CFAP54: variants seen among roughly 807,000 people sequenced by gnomAD.
CFAP54 encodes the protein cilia- and flagella-associated protein 54.
In CFAP54, 290 loss-of-function variants were observed where a neutral mutation model predicts 370.4. That is an observed-to-expected ratio of 0.78 (90% CI 0.71 to 0.86). CFAP54 has a LOEUF of 0.86. Among genes scored for constraint, CFAP54 ranks in the 40% least tolerant of loss-of-function variants. CFAP54 has a pLI of 0.00. For missense variants in CFAP54, 3,399 were observed against 3,528.7 expected (o/e 0.96, Z 0.93); for synonymous variants, 1,206 against 1,236.5 (o/e 0.98, Z 0.52).
At chr12:96,622,927 ATGAGGGTTTTGTT>A (rs1232805639) in intron 27 of CFAP54, among the ~76,000 whole-genome samples, 4 of 151,924 alleles carry the variant, frequency 2.6e-5, no homozygotes, top group Non-Finnish European at 4.4e-5. Flanking sequence ...TGGAAGCAAT[ATGAGGGTTTTGTT>A]TGTTTGTTTG....
At chr12:96,505,150 G>A (rs1955084432) in intron 3 of CFAP54, among the ~76,000 whole-genome samples, 1 of 150,410 alleles carries the variant, frequency 6.6e-6, no homozygotes, top group Non-Finnish European at 1.5e-5. Flanking sequence ...TGCAACCTCT[G>A]CCTCCTAGGT....
intron 14 of CFAP54, 61 bp from the exon 15 acceptor site, chr12:96,547,841 C>A: frequency 1.3e-6 from 1 of 799,228 alleles, no homozygotes; most frequent in South Asian, 2.1e-5. Flanking sequence ...CCTTTTTTTT[C>A]ATCTCCTCTT....
intron 19 of CFAP54, among the ~76,000 whole-genome samples, chr12:96,572,161 G>A (rs1955926229): frequency 6.6e-6 from 1 of 152,188 alleles, no homozygotes; most frequent in Non-Finnish European, 1.5e-5. Context: ...AACTTAAAGA[G>A]ATAAACAAAG....
At chr12:96,504,107 A>C (rs1196192009) in intron 3 of CFAP54, 78 bp downstream of exon 3, 1 of 1,336,070 alleles carries the variant, frequency 7.5e-7, no homozygotes, top group Non-Finnish European at 9.8e-7. Context: ...CAGCTTCTAA[A>C]TGTCTTGTTG....
At chr12:96,736,505 C>A (rs2136634754) in intron 50 of CFAP54, among the ~76,000 whole-genome samples, 1 of 152,200 alleles carries the variant, frequency 6.6e-6, no homozygotes, top group African/African-American at 2.4e-5. Context: ...AGGGGGTAGG[C>A]AGAGGATGGA....
At chr12:96,733,913 G>A (rs925110156) in intron 50 of CFAP54, among the ~76,000 whole-genome samples, 1 of 152,138 alleles carries the variant, frequency 6.6e-6, no homozygotes, top group African/African-American at 2.4e-5. Context: ...TCTTTTTCCA[G>A]GGTTTTCTAT....
intron 33 of CFAP54, chr12:96,646,044 G>A (rs1956786309): frequency 6.6e-6 from 1 of 152,092 alleles, no homozygotes; most frequent in Non-Finnish European, 1.5e-5. Context: ...GCATGGGCAA[G>A]GACTTCATGT....
chr12:96,526,420 G>T (rs1435114631), intron 8 of CFAP54, among the ~76,000 whole-genome samples: 3 of 152,166 alleles, frequency 2.0e-5, no homozygotes, highest in Non-Finnish European at 2.9e-5. Flanking sequence ...CACAAACCTT[G>T]TTATTTATAC....
chr12:96,721,545 G>A (rs1452442132), intron 50 of CFAP54, among the ~76,000 whole-genome samples: 1 of 152,060 alleles, frequency 6.6e-6, no homozygotes, highest in Non-Finnish European at 1.5e-5. Flanking sequence ...TAATAATATG[G>A]ACATCCACAT....
intron 50 of CFAP54, among the ~76,000 whole-genome samples, chr12:96,737,422 GGCCAATGTTA>G (rs1957992026): frequency 6.6e-6 from 1 of 150,518 alleles, no homozygotes; most frequent in Non-Finnish European, 1.5e-5. Context: ...GAATTTCTGT[GGCCAATGTTA>G]GCACAATATT....
At chr12:96,726,132 A>G (rs1957831779) in intron 50 of CFAP54, among the ~76,000 whole-genome samples, 1 of 150,520 alleles carries the variant, frequency 6.6e-6, no homozygotes, top group South Asian at 2.1e-4. Flanking sequence ...TTGGTCTAAA[A>G]TTCTCTTTTT....
At position 96,489,581 on chromosome 12, in the gene CFAP54, A is replaced by G; in HGVS notation, c.-29A>G. On this transcript the variant is annotated 5_prime_UTR_variant, in exon 1 of 68. Coordinates refer to ENST00000524981, the MANE Select transcript of CFAP54 (RefSeq NM_001306084.2). Reference sequence around the variant, plus strand: ...CGTCGCCAGGCAACCGCGTGTACACATACTCCAGGCGGGCCGGGGCGCGTC... The same window carrying G: ...CGTCGCCAGGCAACCGCGTGTACACGTACTCCAGGCGGGCCGGGGCGCGTC... 6.7e-7 allele frequency: 1 copy of G among 1,488,748 alleles called. No individual in the cohort carries two copies. Among genetic ancestry groups the G allele is most frequent in the Non-Finnish European group, 8.9e-7 (1 of 1,119,816 alleles). The allele number at this position is 1,488,748 out of a possible 1,614,324, so 92.2% of individuals were successfully genotyped here.
chr12:96,726,552 T>C (rs1490975763), intron 50 of CFAP54, among the ~76,000 whole-genome samples: 1 of 152,018 alleles, frequency 6.6e-6, no homozygotes, highest in African/African-American at 2.4e-5. Context: ...TGTGTCTATC[T>C]GATTCTTCTC....
intron 66 of CFAP54, among the ~76,000 whole-genome samples, chr12:96,847,027 C>T (rs1276468139): frequency 1.3e-5 from 2 of 152,100 alleles, no homozygotes; most frequent in Non-Finnish European, 2.9e-5. Flanking sequence ...AATGGGGTTC[C>T]CAGAATGCCC....
chr12:96,500,070 C>T (rs538579396), intron 1 of CFAP54, among the ~76,000 whole-genome samples: 12 of 152,196 alleles, frequency 7.9e-5, no homozygotes, highest in South Asian at 2.1e-4. Context: ...TCAGCATGTG[C>T]GTGGATAAAT....
At chr12:96,649,801 A>T in intron 34 of CFAP54, 90 bp from the exon 35 acceptor site, 1 of 753,850 alleles carries the variant, frequency 1.3e-6, no homozygotes, top group Non-Finnish European at 2.1e-6. Flanking sequence ...TTGTTATCTG[A>T]ATTACTCACT....
chr12:96,554,405 G>A (rs1955730526), intron 16 of CFAP54, 95 bp downstream of exon 16: 2 of 1,369,830 alleles, frequency 1.5e-6, no homozygotes, highest in Non-Finnish European at 1.9e-6. Flanking sequence ...GACTTGTGTT[G>A]GCTTACCTCT....
rs1957834978 is a variant in CFAP54 at position 96,726,307 on chromosome 12, G to A, written c.6965+5742G>A. Reference sequence around the variant, plus strand: ...TTCGGCTATGAATCCATCTGGTCCTGGACTCTTTTTGGTTGGTAAGCTATT... The same window carrying A: ...TTCGGCTATGAATCCATCTGGTCCTAGACTCTTTTTGGTTGGTAAGCTATT... On this transcript the variant is annotated intron_variant, in intron 50 of 67. Transcript: ENST00000524981. Among the ~76,000 whole-genome samples, 5 of 152,010 alleles carry A rather than the reference G, an allele frequency of 3.3e-5. No homozygotes were observed. The South Asian group carries it at 8.3e-4, about 25-fold the overall frequency.
intron 29 of CFAP54, 26 bp from the exon 30 acceptor site, chr12:96,626,787 A>G (rs1191707988): frequency 2.4e-6 from 3 of 1,262,010 alleles, no homozygotes; most frequent in South Asian, 4.0e-5. Context: ...ATTGTTAACT[A>G]TATATGAACT....
Sources: gnomAD v4.1 joint callset for allele counts (sites outside exome capture counted in the v4.1 genomes callset) on GRCh38, gnomAD v4.1.1 for gene constraint, MANE v1.5 for transcripts, NCBI Gene and HGNC (gene_info 2026-07-23, HGNC 2026-07-21) for gene names.